KANK1: variants seen among roughly 807,000 people sequenced by gnomAD.
KANK1 encodes KN motif and ankyrin repeat domains 1, also known as KN motif and ankyrin repeat domain-containing protein 1.
KANK1 carries 109 observed loss-of-function variants against 106.2 expected under a neutral mutation model. The ratio of observed to expected loss-of-function variants is 1.03; its 90% confidence interval spans 0.88 to 1.20. KANK1 has a LOEUF of 1.20. Among genes scored for constraint, KANK1 ranks in the 50% most tolerant of loss-of-function variants. The probability of loss-of-function intolerance (pLI) is 0.00; values close to 1 mark genes in which losing one functional copy is unlikely to be tolerated. For missense variants in KANK1, 2,399 were observed against 1,710.7 expected (o/e 1.40, Z -7.10); for synonymous variants, 873 against 652.2 (o/e 1.34, Z -5.16).
intron 1 of KANK1, among the ~76,000 whole-genome samples, chr9:638,229 A>T (rs1374640944): frequency 1.3e-5 from 2 of 152,230 alleles, no homozygotes; most frequent in Non-Finnish European, 2.9e-5. Flanking sequence ...ACTGAATGGC[A>T]TATAAAGAAA....
Position 548,994 on chromosome 9 carries a change from A to G in KANK1, c.-84+44240A>G, listed in dbSNP as rs1016967364. The stretch of plus-strand genomic sequence containing the variant: ...AGAAATTTTATGGTCTGGTCAAAGA[A>G]CTATCATTGCATGAAATTATAGATA... On this transcript the variant is annotated intron_variant, in intron 1 of 11. Coordinates refer to ENST00000382297, the MANE Select transcript of KANK1 (RefSeq NM_015158.5). 4 of 152,306 alleles carry G rather than the reference A, an allele frequency of 2.6e-5. No individual in the cohort carries two copies. In the South Asian group the frequency reaches 8.3e-4, roughly 32 times the overall value. 9.4% of individuals were successfully genotyped at this position (152,306 alleles called of 1,614,324 possible).
intron 2 of KANK1, among the ~76,000 whole-genome samples, chr9:692,307 G>T (rs930854763): frequency 6.6e-6 from 1 of 150,882 alleles, no homozygotes. Flanking sequence ...AAGACACAAA[G>T]ATTAAACTCT....
intron 1 of KANK1, among the ~76,000 whole-genome samples, chr9:615,077 C>T (rs1391824758): frequency 6.6e-6 from 1 of 151,782 alleles, no homozygotes; most frequent in Non-Finnish European, 1.5e-5. Context: ...GTAGCTGGTA[C>T]CAAAGGTGTG....
chr9:606,537 C>G (rs556024598), intron 1 of KANK1, among the ~76,000 whole-genome samples: 2 of 139,796 alleles, frequency 1.4e-5, no homozygotes, highest in South Asian at 4.2e-4. Context: ...GTCTGGGCAA[C>G]AACAGCAAAA....
intron 1 of KANK1, among the ~76,000 whole-genome samples, chr9:550,965 C>A (rs1457705667): frequency 6.6e-6 from 1 of 151,974 alleles, no homozygotes; most frequent in East Asian, 1.9e-4. Flanking sequence ...TCTGCTGTAT[C>A]TTTGTGCCTC....
chr9:715,158 A>G (rs1490764507), intron 3 of KANK1, among the ~76,000 whole-genome samples: 1 of 152,208 alleles, frequency 6.6e-6, no homozygotes, highest in Non-Finnish European at 1.5e-5. Context: ...AAAAAAATGA[A>G]TATGACAGCT....
At chr9:741,927 G>C (rs1835688570) in intron 9 of KANK1, among the ~76,000 whole-genome samples, 1 of 152,150 alleles carries the variant, frequency 6.6e-6, no homozygotes, top group South Asian at 2.1e-4. Context: ...CCCACAGCTT[G>C]ACTTTTAACC....
chr9:595,374 G>T (rs1825954101), intron 1 of KANK1, among the ~76,000 whole-genome samples: 1 of 151,912 alleles, frequency 6.6e-6, no homozygotes, highest in African/African-American at 2.4e-5. Flanking sequence ...AAAGCACTCT[G>T]AAGGGGAGAC....
chr9:550,208 C>G (rs1036009353), intron 1 of KANK1, among the ~76,000 whole-genome samples: 1 of 152,010 alleles, frequency 6.6e-6, no homozygotes, highest in African/African-American at 2.4e-5. Flanking sequence ...AACCGCCTCC[C>G]CTCCCCCCAG....
At chr9:471,560 T>C (rs2058021433) in intron 2 of KANK1, 1 of 152,214 alleles carries the variant, frequency 6.6e-6, no homozygotes, top group South Asian at 2.1e-4. Flanking sequence ...CAATTTCTCA[T>C]CCTTCTTCAC....
At chr9:570,444 T>C (rs2134796844) in intron 1 of KANK1, among the ~76,000 whole-genome samples, 1 of 152,218 alleles carries the variant, frequency 6.6e-6, no homozygotes, top group South Asian at 2.1e-4. Flanking sequence ...TAAACAGAAA[T>C]CTAGACACAG....
intron 1 of KANK1, among the ~76,000 whole-genome samples, chr9:661,758 C>G (rs1843368376): frequency 6.6e-6 from 1 of 152,086 alleles, no homozygotes. Flanking sequence ...AAAAGTGTTC[C>G]TGTTTCTCCA....
At chr9:699,332 A>G (rs1215349359) in intron 2 of KANK1, among the ~76,000 whole-genome samples, 1 of 152,212 alleles carries the variant, frequency 6.6e-6, no homozygotes, top group Non-Finnish European at 1.5e-5. Flanking sequence ...TGTTTGGCCT[A>G]TTGCAGGCAC....
chr9:543,837 C>A (rs944073828), intron 1 of KANK1, among the ~76,000 whole-genome samples: 10 of 152,158 alleles, frequency 6.6e-5, no homozygotes, highest in African/African-American at 2.4e-4. Flanking sequence ...TTGTTTTGCC[C>A]CTTACCGTCT....
chr9:677,056 C>G (rs1322041034), intron 2 of KANK1, 47 bp downstream of exon 2: 1 of 1,549,354 alleles, frequency 6.5e-7, no homozygotes, highest in African/African-American at 1.4e-5. Context: ...TGTCTTTTCT[C>G]AAACTAATTT....
chr9:681,548 T>C (rs959664376), intron 2 of KANK1, among the ~76,000 whole-genome samples: 3 of 152,160 alleles, frequency 2.0e-5, no homozygotes, highest in Non-Finnish European at 2.9e-5. Flanking sequence ...GAAAGAAAGA[T>C]AATAATAGCT....
At chr9:622,424 G>C (rs1330324863) in intron 1 of KANK1, among the ~76,000 whole-genome samples, 1 of 152,136 alleles carries the variant, frequency 6.6e-6, no homozygotes, top group East Asian at 1.9e-4. Flanking sequence ...CTAAATGTCA[G>C]ATGGATCTAG....
intron 1 of KANK1, among the ~76,000 whole-genome samples, chr9:538,889 T>A (rs1380976713): frequency 6.6e-6 from 1 of 152,216 alleles, no homozygotes; most frequent in Non-Finnish European, 1.5e-5. Context: ...GTTTTTTATT[T>A]ATTTATTTTT....
Position 608,392 on chromosome 9 carries a change from C to G in KANK1, c.-83-68498C>G, listed in dbSNP as rs541134899. Among the ~76,000 whole-genome samples, 3 of 151,152 alleles carry G rather than the reference C, an allele frequency of 2.0e-5. No homozygotes were observed. The South Asian group carries it at 6.2e-4, about 31-fold the overall frequency. ...TTCTACGTGACCATAGACCAACTCT[C>G]CTTTATCAATATTTGTGTATTCTCT... On this transcript the variant is annotated intron_variant, in intron 1 of 11. Transcript: ENST00000382297.
Sources: allele counts gnomAD v4.1 joint callset (sites outside exome capture counted in the v4.1 genomes callset), GRCh38; gene constraint gnomAD v4.1.1; transcripts MANE v1.5; gene names NCBI Gene and HGNC (gene_info 2026-07-23, HGNC 2026-07-21).